The following NRG1 variants were observed in gnomAD, a reference collection of about 807,000 sequenced individuals.
The protein encoded by NRG1 is pro-neuregulin-1, membrane-bound isoform.
A neutral mutation model predicts 63.8 loss-of-function variants in NRG1; 18 were observed. That is an observed-to-expected ratio of 0.28 (90% CI 0.19 to 0.42). NRG1 has a LOEUF of 0.42. Among genes scored for constraint, NRG1 ranks in the 10% least tolerant of loss-of-function variants. The pLI is 1.00. For synonymous variants in NRG1, 302 were observed against 301.3 expected (o/e 1.00, Z -0.02); for missense variants, 762 against 814.7 (o/e 0.94, Z 0.79).
At chr8:32,514,788 C>T (rs1829624827) in intron 1 of NRG1, among the ~76,000 whole-genome samples, 1 of 151,854 alleles carries the variant, frequency 6.6e-6, no homozygotes. Flanking sequence ...AAACTCATTG[C>T]TTCAAATAAA....
intron 1 of NRG1, among the ~76,000 whole-genome samples, chr8:32,085,031 A>G (rs1469303545): frequency 1.3e-5 from 2 of 152,220 alleles, no homozygotes; most frequent in Non-Finnish European, 2.9e-5. Context: ...AACTACACAT[A>G]TGCGCAAGCG....
intron 1 of NRG1, among the ~76,000 whole-genome samples, chr8:32,196,443 G>A (rs1302941820): frequency 2.0e-5 from 3 of 152,146 alleles, no homozygotes; most frequent in Admixed American, 6.5e-5. Context: ...CCTATGCTTA[G>A]AAGTTTAGAC....
At chr8:32,181,444 T>G (rs1585895905) in intron 1 of NRG1, among the ~76,000 whole-genome samples, 1 of 152,338 alleles carries the variant, frequency 6.6e-6, no homozygotes, top group South Asian at 2.1e-4. Flanking sequence ...ATTTCCTTTG[T>G]ATCCAGGACA....
In NRG1 at chr8:32,238,275, G is replaced by A. The variant is rs574933082; in HGVS notation, c.38-357553G>A. Among the ~76,000 whole-genome samples, 6 of 152,076 alleles carry A rather than the reference G, an allele frequency of 3.9e-5. No homozygotes were observed. In the East Asian group the frequency reaches 1.2e-3, roughly 29 times the overall value. On this transcript the variant is annotated intron_variant, in intron 1 of 10. Transcript: ENST00000519301. Reference sequence around the variant, plus strand: ...GTCAGGAGTTCTTGAGACCAGCCTGGCCAAAATGGTGAAACCCTGTCTCTA... The same window carrying A: ...GTCAGGAGTTCTTGAGACCAGCCTGACCAAAATGGTGAAACCCTGTCTCTA...
intron 1 of NRG1, among the ~76,000 whole-genome samples, chr8:31,782,815 C>G (rs1819819148): frequency 6.6e-6 from 1 of 152,116 alleles, no homozygotes; most frequent in South Asian, 2.1e-4. Context: ...GTCTCGGGTT[C>G]TGTGTGTCCG....
intron 3 of NRG1, among the ~76,000 whole-genome samples, chr8:32,606,906 A>T (rs1845370721): frequency 1.3e-5 from 2 of 152,148 alleles, no homozygotes; most frequent in Non-Finnish European, 2.9e-5. Flanking sequence ...TCTGTAACAT[A>T]CTAAGAAAGT....
At chr8:32,116,995 A>AT (rs1832811018) in intron 1 of NRG1, among the ~76,000 whole-genome samples, 1 of 148,116 alleles carries the variant, frequency 6.8e-6, no homozygotes, top group Admixed American at 6.7e-5. Flanking sequence ...AAAAAAAAAA[A>AT]GTCAGGTGTG....
intron 1 of NRG1, among the ~76,000 whole-genome samples, chr8:32,298,891 G>T (rs567140205): frequency 6.6e-6 from 1 of 151,214 alleles, no homozygotes; most frequent in Admixed American, 6.6e-5. Context: ...GCTGGGGATG[G>T]TGGCATGTAC....
chr8:32,606,320 AT>A (rs1203383472), intron 3 of NRG1, among the ~76,000 whole-genome samples: 5 of 151,488 alleles, frequency 3.3e-5, no homozygotes, highest in Admixed American at 6.6e-5. Context: ...TAAACCATTA[AT>A]TTTTTTTAGG....
At chr8:32,149,957 T>C (rs77285722) in intron 1 of NRG1, among the ~76,000 whole-genome samples, 6,133 of 152,336 alleles carry the variant, frequency 0.04, 189 homozygotes, top group Middle Eastern at 0.095. Context: ...CATCTAATAA[T>C]GCTGGTTTTC....
At chr8:32,479,021 G>T (rs1362615403) in intron 1 of NRG1, among the ~76,000 whole-genome samples, 1 of 152,144 alleles carries the variant, frequency 6.6e-6, no homozygotes, top group South Asian at 2.1e-4. Context: ...TAAGAAGGGG[G>T]TGTGCTTACC....
At chr8:32,721,960 A>G in intron 5 of NRG1, 1 of 1,544,126 alleles carries the variant, frequency 6.5e-7, no homozygotes, top group Non-Finnish European at 8.7e-7. Context: ...AGCAAGAATA[A>G]TAATTTCAGA....
intron 1 of NRG1, among the ~76,000 whole-genome samples, chr8:32,398,331 T>C (rs1812702917): frequency 6.6e-6 from 1 of 152,048 alleles, no homozygotes; most frequent in African/African-American, 2.4e-5. Flanking sequence ...CCCCACTGGC[T>C]GAGCACTCTG....
intron 1 of NRG1, among the ~76,000 whole-genome samples, chr8:31,708,905 C>CT (rs886941323): frequency 6.6e-6 from 1 of 152,084 alleles, no homozygotes; most frequent in Non-Finnish European, 1.5e-5. Flanking sequence ...TAATTTTTGA[C>CT]TCACCAAAAA....
intron 1 of NRG1, among the ~76,000 whole-genome samples, chr8:32,273,619 GAGTCACTGGAC>G (rs1312629218): frequency 2.0e-5 from 3 of 152,182 alleles, no homozygotes; most frequent in African/African-American, 7.2e-5. Context: ...TGGTACCGTT[GAGTCACTGGAC>G]ACATTTTTAA....
intron 1 of NRG1, among the ~76,000 whole-genome samples, chr8:32,370,909 C>T (rs1160210907): frequency 6.9e-6 from 1 of 145,412 alleles, no homozygotes; most frequent in Non-Finnish European, 1.5e-5. Flanking sequence ...AAAACTGTCT[C>T]ATGATGAAAT....
chr8:32,034,312 G>T (rs1437759521), intron 1 of NRG1, among the ~76,000 whole-genome samples: 1 of 152,138 alleles, frequency 6.6e-6, no homozygotes. Context: ...ACTTTATCAT[G>T]GTGGATAAGC....
At chr8:32,513,944 C>G (rs1196022876) in intron 1 of NRG1, among the ~76,000 whole-genome samples, 1 of 152,086 alleles carries the variant, frequency 6.6e-6, no homozygotes, top group Non-Finnish European at 1.5e-5. Flanking sequence ...AATGCTGTAA[C>G]AGTATTTTAA....
chr8:31,800,600 T>C (rs540816869), intron 1 of NRG1, among the ~76,000 whole-genome samples: 1 of 152,328 alleles, frequency 6.6e-6, no homozygotes, highest in Admixed American at 6.5e-5. Flanking sequence ...CTTTAAGTGG[T>C]GTTGCTAAAC....
Sources: allele counts gnomAD v4.1 joint callset (sites outside exome capture counted in the v4.1 genomes callset), GRCh38; gene constraint gnomAD v4.1.1; transcripts MANE v1.5; gene names NCBI Gene and HGNC (gene_info 2026-07-23, HGNC 2026-07-21).